The following CNTN5 variants were observed in gnomAD, a reference collection of about 807,000 sequenced individuals.
The protein encoded by CNTN5 is contactin-5.
A neutral mutation model predicts 129.1 loss-of-function variants in CNTN5; 77 were observed. The ratio of observed to expected loss-of-function variants is 0.60; its 90% CI spans 0.50 to 0.72. The LOEUF (loss-of-function observed/expected upper bound fraction) is 0.72, where lower values mean the gene tolerates loss of function less well. Among genes scored for constraint, CNTN5 ranks in the 30% least tolerant of loss-of-function variants. CNTN5 has a pLI of 0.00. For missense variants in CNTN5, 1,478 were observed against 1,328.8 expected, an observed-to-expected ratio of 1.11 and a Z score of -1.75; for synonymous variants, 509 against 465.6, an observed-to-expected ratio of 1.09 and a Z score of -1.20.
intron 1 of CNTN5, among the ~76,000 whole-genome samples, chr11:99,030,337 ATG>A (rs1175024278): frequency 6.6e-6 from 1 of 152,196 alleles, no homozygotes; most frequent in Non-Finnish European, 1.5e-5. Flanking sequence ...GTATAAATAT[ATG>A]TGGATACAAT....
chr11:99,045,118 A>T (rs1395930821), intron 1 of CNTN5, among the ~76,000 whole-genome samples: 2 of 152,242 alleles, frequency 1.3e-5, no homozygotes. Context: ...TGATTGATAC[A>T]GTCAGGATGC....
chr11:99,248,734 T>A (rs962066318), intron 1 of CNTN5, among the ~76,000 whole-genome samples: 8 of 152,214 alleles, frequency 5.3e-5, no homozygotes, highest in Non-Finnish European at 1.0e-4. Context: ...CCTTTCCCCA[T>A]TTCTTGTTTT....
chr11:99,779,035 A>T (rs1565520765), intron 3 of CNTN5, among the ~76,000 whole-genome samples: 1 of 151,834 alleles, frequency 6.6e-6, no homozygotes, highest in Non-Finnish European at 1.5e-5. Flanking sequence ...CTCATCAGAA[A>T]ATTTTTAAAA....
At chr11:99,082,727 A>G (rs1249996018) in intron 1 of CNTN5, among the ~76,000 whole-genome samples, 1 of 152,214 alleles carries the variant, frequency 6.6e-6, no homozygotes, top group East Asian at 1.9e-4. Flanking sequence ...ATACTTTACG[A>G]AAGACTGTGA....
chr11:100,159,418 T>C (rs908470234), intron 13 of CNTN5, among the ~76,000 whole-genome samples: 1 of 151,914 alleles, frequency 6.6e-6, no homozygotes, highest in African/African-American at 2.4e-5. Flanking sequence ...CTATTACTGC[T>C]AAGTCACCTA....
chr11:99,858,911 T>C (rs979071077), intron 6 of CNTN5, among the ~76,000 whole-genome samples: 2 of 57,788 alleles, frequency 3.5e-5, no homozygotes, highest in African/African-American at 6.6e-5. Context: ...CAGGTGAATG[T>C]TTTGCATTTA....
chr11:99,720,305 C>T (rs549107645), intron 3 of CNTN5, among the ~76,000 whole-genome samples: 1 of 152,080 alleles, frequency 6.6e-6, no homozygotes, highest in South Asian at 2.1e-4. Context: ...CCAAATCTAG[C>T]AGCACCATAA....
intron 1 of CNTN5, among the ~76,000 whole-genome samples, chr11:99,238,895 A>G (rs1327666350): frequency 6.6e-6 from 1 of 152,166 alleles, no homozygotes; most frequent in Non-Finnish European, 1.5e-5. Flanking sequence ...ATAATTTATC[A>G]TAATCATTGT....
At chr11:100,083,357 T>G (rs1591203850) in intron 13 of CNTN5, among the ~76,000 whole-genome samples, 1 of 145,712 alleles carries the variant, frequency 6.9e-6, no homozygotes, top group East Asian at 2.0e-4. Context: ...GGTCCCAGAG[T>G]ATTTTAAACA....
chr11:100,172,070 A>G (rs1947843436), intron 13 of CNTN5, among the ~76,000 whole-genome samples: 2 of 152,070 alleles, frequency 1.3e-5, no homozygotes. Context: ...ATATTTTAGC[A>G]GTGGAAATAA....
At chr11:99,888,756 C>G (rs1022974482) in intron 6 of CNTN5, among the ~76,000 whole-genome samples, 2 of 152,160 alleles carry the variant, frequency 1.3e-5, no homozygotes, top group African/African-American at 4.8e-5. Context: ...ATCCTCAGTG[C>G]TCTCAAAAAA....
intron 2 of CNTN5, among the ~76,000 whole-genome samples, chr11:99,331,606 A>G (rs1169288702): frequency 6.6e-6 from 1 of 152,184 alleles, no homozygotes; most frequent in Non-Finnish European, 1.5e-5. Flanking sequence ...GTAAAATAAT[A>G]ATAAAAGAAA....
intron 2 of CNTN5, among the ~76,000 whole-genome samples, chr11:99,549,273 T>C (rs559573779): frequency 1.3e-5 from 2 of 152,266 alleles, no homozygotes; most frequent in Non-Finnish European, 2.9e-5. Flanking sequence ...TCCTTCTACT[T>C]CTATTTATTC....
intron 3 of CNTN5, among the ~76,000 whole-genome samples, chr11:99,688,828 G>A (rs944397411): frequency 5.0e-4 from 76 of 152,192 alleles, no homozygotes; most frequent in African/African-American, 1.8e-3. Flanking sequence ...TCATGATTTA[G>A]CATTCACTTA....
chr11:99,820,806 A>T (rs1238904194), intron 4 of CNTN5, among the ~76,000 whole-genome samples: 3 of 152,250 alleles, frequency 2.0e-5, no homozygotes, highest in Non-Finnish European at 4.4e-5. Context: ...TAGTACACTT[A>T]GGCTGCATTT....
intron 3 of CNTN5, among the ~76,000 whole-genome samples, chr11:99,656,322 G>T (rs1490049382): frequency 6.6e-6 from 1 of 152,052 alleles, no homozygotes; most frequent in African/African-American, 2.4e-5. Context: ...ATTTCAAAGA[G>T]ATAGCTAGAC....
chr11:99,935,502 C>G, intron 7 of CNTN5, among the ~76,000 whole-genome samples: 1 of 151,654 alleles, frequency 6.6e-6, no homozygotes. Context: ...AATTTGAGGG[C>G]ATTTTCAAAA....
intron 2 of CNTN5, among the ~76,000 whole-genome samples, chr11:99,433,095 T>A (rs1171125540): frequency 6.6e-6 from 1 of 151,650 alleles, no homozygotes; most frequent in Non-Finnish European, 1.5e-5. Flanking sequence ...GATGGAAATC[T>A]GAAATTTTGA....
At chr11:99,088,917 CAA>C (rs1053686501) in intron 1 of CNTN5, among the ~76,000 whole-genome samples, 8 of 152,070 alleles carry the variant, frequency 5.3e-5, no homozygotes, top group African/African-American at 1.9e-4. Context: ...ATGTTATACA[CAA>C]AAGAAATATA....
Sources: gnomAD v4.1 joint callset for allele counts (sites outside exome capture counted in the v4.1 genomes callset) on GRCh38, gnomAD v4.1.1 for gene constraint, MANE v1.5 for transcripts, NCBI Gene and HGNC (gene_info 2026-07-23, HGNC 2026-07-21) for gene names.